Variants in GRIP1 observed in about 807,000 individuals in gnomAD.
The protein encoded by GRIP1 is glutamate receptor-interacting protein 1.
Under a neutral mutation model 129.9 loss-of-function variants are expected in GRIP1, and 45 were observed. That is an observed-to-expected ratio of 0.35 (90% CI 0.27 to 0.44). The LOEUF is 0.44. Ranked by LOEUF, GRIP1 falls within the 20% of genes least tolerant of loss-of-function variation. The pLI, the probability that GRIP1 is intolerant of heterozygous loss-of-function variation, is 1.00. For synonymous variants in GRIP1, 530 were observed against 520.8 expected, an observed-to-expected ratio of 1.02 and a Z score of -0.24; for missense variants, 1,196 against 1,396.8, an observed-to-expected ratio of 0.86 and a Z score of 2.29.
At chr12:66,587,555 T>C (rs1290697268) in intron 2 of GRIP1, among the ~76,000 whole-genome samples, 1 of 152,234 alleles carries the variant, frequency 6.6e-6, no homozygotes, top group African/African-American at 2.4e-5. Context: ...CACATCTATA[T>C]TCCTAGCACC....
Position 66,517,972 on chromosome 12 carries a change from TC to T in GRIP1, c.506del (p.Gly169GlufsTer13). 1.3e-6 allele frequency: 2 copies of T among 1,576,134 alleles called. No homozygotes were observed. Among genetic ancestry groups the T allele is most frequent in the Non-Finnish European group, 1.7e-6 (2 of 1,145,732 alleles). On this transcript the variant is annotated frameshift_variant, in exon 6 of 25. Coordinates refer to ENST00000359742, the MANE Select transcript of GRIP1 (RefSeq NM_001366722.1). LOFTEE classifies it high-confidence loss of function. ...GAGATTTATTTCTATCATCATGTGC[TC>T]CCCCTAGCAAAGAAAAGGAACAGAG... ...GNTFGFVIRGGAHDDRNKSRP... is the reference protein window; with the variant it reads ...GNTFGFVIRGXAHDDRNKSRP...
chr12:66,508,859 A>G (rs2060616490), intron 7 of GRIP1, among the ~76,000 whole-genome samples: 1 of 152,212 alleles, frequency 6.6e-6, no homozygotes, highest in Non-Finnish European at 1.5e-5. Flanking sequence ...GTTATAAAAT[A>G]GACAACTATT....
chr12:66,591,475 G>A (rs749446772), intron 2 of GRIP1, among the ~76,000 whole-genome samples: 1 of 151,854 alleles, frequency 6.6e-6, no homozygotes, highest in Non-Finnish European at 1.5e-5. Context: ...TTATCCCTTG[G>A]TATTTTCCCC....
At chr12:66,992,950 C>A (rs528541932) in intron 1 of GRIP1, among the ~76,000 whole-genome samples, 2 of 151,846 alleles carry the variant, frequency 1.3e-5, no homozygotes, top group South Asian at 4.2e-4. Context: ...CTGTGTATTC[C>A]AAAAATACAA....
intron 1 of GRIP1, among the ~76,000 whole-genome samples, chr12:66,966,339 A>C (rs1157626673): frequency 1.3e-5 from 2 of 152,190 alleles, no homozygotes; most frequent in Non-Finnish European, 2.9e-5. Context: ...AAAAATTACA[A>C]AAATTGCAAA....
intron 1 of GRIP1, among the ~76,000 whole-genome samples, chr12:66,852,879 A>C (rs2039938675): frequency 1.3e-5 from 2 of 151,936 alleles, no homozygotes; most frequent in African/African-American, 2.4e-5. Flanking sequence ...TTTTACTGTT[A>C]AATATTGCAA....
intron 7 of GRIP1, among the ~76,000 whole-genome samples, chr12:66,484,781 T>C (rs2059907600): frequency 6.6e-6 from 1 of 152,160 alleles, no homozygotes; most frequent in Non-Finnish European, 1.5e-5. Flanking sequence ...GTGACTATAG[T>C]TACCAACACT....
chr12:66,553,185 C>T (rs2062200293), intron 2 of GRIP1, among the ~76,000 whole-genome samples: 1 of 152,174 alleles, frequency 6.6e-6, no homozygotes, highest in African/African-American at 2.4e-5. Flanking sequence ...ATAAAGCAGT[C>T]ACTACTGTTT....
intron 1 of GRIP1, among the ~76,000 whole-genome samples, chr12:66,776,371 C>G (rs2037979908): frequency 6.6e-6 from 1 of 152,156 alleles, no homozygotes; most frequent in Admixed American, 6.5e-5. Flanking sequence ...AGAATACGTA[C>G]TTGTTCTCAG....
intron 2 of GRIP1, among the ~76,000 whole-genome samples, chr12:66,584,120 A>G (rs1287047291): frequency 2.0e-5 from 3 of 150,222 alleles, no homozygotes; most frequent in Admixed American, 1.3e-4. Flanking sequence ...GACATGGATG[A>G]AACTGGAAAT....
chr12:66,569,216 C>A, intron 2 of GRIP1: 1 of 190,548 alleles, frequency 5.2e-6, no homozygotes, highest in South Asian at 9.0e-5. Flanking sequence ...CGGTGGCTCA[C>A]GTCTGTAATC....
At chr12:66,967,034 T>C (rs1172286564) in intron 1 of GRIP1, among the ~76,000 whole-genome samples, 1 of 152,232 alleles carries the variant, frequency 6.6e-6, no homozygotes, top group Non-Finnish European at 1.5e-5. Flanking sequence ...CACCACAATT[T>C]GTTTATTCAT....
At chr12:66,377,815 C>T (rs1278286606) in intron 20 of GRIP1, among the ~76,000 whole-genome samples, 2 of 151,966 alleles carry the variant, frequency 1.3e-5, no homozygotes, top group African/African-American at 4.8e-5. Context: ...GGTCCATGGT[C>T]TTACTACCGG....
intron 1 of GRIP1, among the ~76,000 whole-genome samples, chr12:66,643,037 A>G (rs895429402): frequency 1.3e-5 from 2 of 152,232 alleles, no homozygotes; most frequent in African/African-American, 4.8e-5. Context: ...AGACAAGCAG[A>G]TGCAAAATAA....
intron 2 of GRIP1, among the ~76,000 whole-genome samples, chr12:66,543,528 C>G (rs1474601610): frequency 2.6e-5 from 4 of 152,140 alleles, no homozygotes; most frequent in African/African-American, 9.7e-5. Flanking sequence ...TGTGCACTTC[C>G]CTTGTGCTAC....
chr12:66,383,930 T>C (rs2056238760), intron 19 of GRIP1, among the ~76,000 whole-genome samples: 1 of 152,132 alleles, frequency 6.6e-6, no homozygotes, highest in East Asian at 1.9e-4. Context: ...GCAAATGAAA[T>C]TGCTGGAGCC....
chr12:66,361,679 T>TA (rs2054776198), intron 23 of GRIP1, among the ~76,000 whole-genome samples: 1 of 152,218 alleles, frequency 6.6e-6, no homozygotes, highest in Admixed American at 6.5e-5. Flanking sequence ...GAGTCCCTGT[T>TA]GCGGGTGTCT....
intron 5 of GRIP1, among the ~76,000 whole-genome samples, chr12:66,528,189 C>T (rs1296334406): frequency 7.1e-6 from 1 of 140,844 alleles, no homozygotes; most frequent in Non-Finnish European, 1.5e-5. Context: ...GGCTGGAGTG[C>T]AGTGGCACGA....
intron 23 of GRIP1, among the ~76,000 whole-genome samples, chr12:66,370,911 A>G (rs1274720604): frequency 6.6e-6 from 1 of 152,176 alleles, no homozygotes; most frequent in Non-Finnish European, 1.5e-5. Flanking sequence ...TCCTGGCCCA[A>G]GACATCTAAC....
Sources: gnomAD v4.1 joint callset for allele counts (sites outside exome capture counted in the v4.1 genomes callset) on GRCh38, gnomAD v4.1.1 for gene constraint, MANE v1.5 for transcripts, NCBI Gene and HGNC (gene_info 2026-07-23, HGNC 2026-07-21) for gene names.